The following PTPN3 variants were observed in gnomAD, a reference collection of about 807,000 sequenced individuals.
PTPN3 encodes tyrosine-protein phosphatase non-receptor type 3.
PTPN3 carries 96 observed loss-of-function variants against 132.7 expected under a neutral mutation model. The observed-to-expected ratio is 0.72, with a 90% CI of 0.61 to 0.86. The LOEUF (loss-of-function observed/expected upper bound fraction) is 0.86, where lower values mean the gene tolerates loss of function less well. Ranked by LOEUF, PTPN3 falls within the 40% of genes least tolerant of loss-of-function variation. PTPN3 has a pLI of 0.00. For synonymous variants in PTPN3, 398 were observed against 429.0 expected (o/e 0.93, Z 0.89); for missense variants, 1,125 against 1,159.6 (o/e 0.97, Z 0.43).
At chr9:109,386,569 G>C (rs1379989293) in intron 22 of PTPN3, among the ~76,000 whole-genome samples, 1 of 152,184 alleles carries the variant, frequency 6.6e-6, no homozygotes, top group Non-Finnish European at 1.5e-5. Flanking sequence ...GGAGAGAGGG[G>C]ATGGAGATCT....
chr9:109,457,113 GA>G (rs767288919), intron 4 of PTPN3, 59 bp downstream of exon 4: 1 of 1,555,268 alleles, frequency 6.4e-7, no homozygotes, highest in Admixed American at 1.7e-5. Context: ...TTGGAGGGGA[GA>G]AACAGGCTGT....
At chr9:109,488,391 C>A (rs1847312895) in intron 1 of PTPN3, among the ~76,000 whole-genome samples, 1 of 152,156 alleles carries the variant, frequency 6.6e-6, no homozygotes, top group Non-Finnish European at 1.5e-5. Context: ...TGAGCCACCG[C>A]ACCAGGCTGA....
At chr9:109,468,190 A>G (rs900239279) in intron 1 of PTPN3, among the ~76,000 whole-genome samples, 2 of 152,144 alleles carry the variant, frequency 1.3e-5, no homozygotes, top group East Asian at 3.9e-4. Flanking sequence ...CAAAGCCACA[A>G]CCCAACCAGG....
intron 1 of PTPN3, among the ~76,000 whole-genome samples, chr9:109,476,306 GAAC>G (rs1432537194): frequency 2.0e-5 from 3 of 150,546 alleles, no homozygotes; most frequent in East Asian, 2.0e-4. Context: ...CAAATCAGGA[GAAC>G]AACATTTAGG....
intron 1 of PTPN3, among the ~76,000 whole-genome samples, chr9:109,486,660 G>A (rs903221816): frequency 1.3e-5 from 2 of 152,162 alleles, no homozygotes; most frequent in Admixed American, 1.3e-4. Context: ...ATGAGGAGTT[G>A]TGCAGATGTG....
chr9:109,533,107 C>CCACCACCA, the PTPN3 span, among the ~76,000 whole-genome samples: 1 of 146,510 alleles, frequency 6.8e-6, no homozygotes, highest in Non-Finnish European at 1.5e-5. Context: ...ATACAGGCGC[C>CCACCACCA]CACCACCATA....
intron 7 of PTPN3, among the ~76,000 whole-genome samples, chr9:109,440,512 C>A (rs1277540990): frequency 6.6e-6 from 1 of 152,126 alleles, no homozygotes; most frequent in African/African-American, 2.4e-5. Context: ...GATCTGAACC[C>A]CAGTTAGTGC....
At chr9:109,527,402 AGGGAGC>A in the PTPN3 span, among the ~76,000 whole-genome samples, 1 of 152,246 alleles carries the variant, frequency 6.6e-6, no homozygotes, top group Non-Finnish European at 1.5e-5. Flanking sequence ...GGGAGGTTGC[AGGGAGC>A]AGAGATTGTG....
intron 1 of PTPN3, among the ~76,000 whole-genome samples, chr9:109,471,875 G>C (rs745357796): frequency 6.6e-6 from 1 of 152,084 alleles, no homozygotes; most frequent in Admixed American, 6.6e-5. Flanking sequence ...AGAGCCACAC[G>C]GTGGAAAATC....
At chr9:109,422,129 TGTTA>T (rs35490615) in intron 13 of PTPN3, among the ~76,000 whole-genome samples, 21,463 of 152,192 alleles carry the variant, frequency 0.14, 1,855 homozygotes, top group Admixed American at 0.24. Flanking sequence ...TAAAGAAACT[TGTTA>T]ATTAACAGAA....
At chr9:109,412,274 C>T (rs1379435153) in intron 14 of PTPN3, among the ~76,000 whole-genome samples, 2 of 151,912 alleles carry the variant, frequency 1.3e-5, no homozygotes, top group Non-Finnish European at 2.9e-5. Context: ...CATTACATGA[C>T]CACAGCTCAC....
intron 25 of PTPN3, 88 bp from the exon 26 acceptor site, chr9:109,379,721 T>G (rs2131574468): frequency 1.8e-6 from 2 of 1,141,718 alleles, no homozygotes; most frequent in South Asian, 2.5e-5. Flanking sequence ...TTGCAGCATT[T>G]GTAAATATTC....
At chr9:109,532,866 C>CTAA in the PTPN3 span, 502,888 of 1,088,622 alleles carry the variant, frequency 0.46, 125,363 homozygotes, top group East Asian at 0.83. Context: ...CGGGAGCGGA[C>CTAA]TAATTCTCAA....
At chr9:109,520,513 C>T in the PTPN3 span, among the ~76,000 whole-genome samples, 19 of 152,352 alleles carry the variant, frequency 1.2e-4, no homozygotes, top group African/African-American at 4.1e-4. Context: ...AGGCGCCTAG[C>T]GGAACATGCT....
chr9:109,515,244 T>G, the PTPN3 span, among the ~76,000 whole-genome samples: 1 of 152,114 alleles, frequency 6.6e-6, no homozygotes, highest in Non-Finnish European at 1.5e-5. Flanking sequence ...AGGCTGGTCT[T>G]GAACTCCCAG....
intron 1 of PTPN3, among the ~76,000 whole-genome samples, chr9:109,464,101 G>C (rs2132050565): frequency 1.3e-5 from 2 of 152,320 alleles, no homozygotes; most frequent in African/African-American, 4.8e-5. Context: ...ACACCCACCA[G>C]AGAACCCCTA....
In PTPN3 at chr9:109,420,372, C is replaced by T. The variant is rs1021634918; in HGVS notation, c.1313+52G>A. On this transcript the variant is annotated intron_variant, in intron 14 of 25. Coordinates refer to ENST00000374541, the MANE Select transcript of PTPN3 (RefSeq NM_002829.4). ...TGGCAACCTGGACCTGAGCAAATTCCGCAACAGCCAAAAAGCAAATACCCA... is the reference window on the plus strand; with the variant it reads ...TGGCAACCTGGACCTGAGCAAATTCTGCAACAGCCAAAAAGCAAATACCCA... 62 of 1,525,404 alleles carry T rather than the reference C, an allele frequency of 4.1e-5. No individual in the cohort carries two copies. The South Asian group carries it at 4.9e-4, about 12-fold the overall frequency. The allele number at this position is 1,525,404 out of a possible 1,614,324, so 94.5% of individuals were successfully genotyped here.
intron 1 of PTPN3, among the ~76,000 whole-genome samples, chr9:109,492,995 A>C (rs1200552885): frequency 6.6e-6 from 1 of 152,242 alleles, no homozygotes; most frequent in Non-Finnish European, 1.5e-5. Flanking sequence ...TAGATTTCCC[A>C]AATTATTATT....
At chr9:109,518,355 G>C in the PTPN3 span, among the ~76,000 whole-genome samples, 1 of 152,188 alleles carries the variant, frequency 6.6e-6, no homozygotes, top group African/African-American at 2.4e-5. Context: ...CAGCTTCATG[G>C]GATGCTAGAG....
Sources: gnomAD v4.1 joint callset for allele counts (sites outside exome capture counted in the v4.1 genomes callset) on GRCh38, gnomAD v4.1.1 for gene constraint, MANE v1.5 for transcripts, NCBI Gene and HGNC (gene_info 2026-07-23, HGNC 2026-07-21) for gene names.